ARID5B: variants seen among roughly 807,000 people sequenced by gnomAD.
ARID5B encodes the protein AT-rich interaction domain 5B.
In ARID5B, 13 loss-of-function variants were observed where a neutral mutation model predicts 97.2. The observed-to-expected ratio is 0.13, with a 90% confidence interval of 0.09 to 0.21. The LOEUF is 0.21. Among genes scored for constraint, ARID5B ranks in the 10% least tolerant of loss-of-function variants. The pLI is 1.00. For missense variants in ARID5B, 1,210 were observed against 1,465.3 expected (o/e 0.83, Z 2.84); for synonymous variants, 556 against 570.3 (o/e 0.97, Z 0.36).
chr10:61,972,443 G>A (rs1465608599), intron 3 of ARID5B, among the ~76,000 whole-genome samples: 1 of 151,968 alleles, frequency 6.6e-6, no homozygotes, highest in Non-Finnish European at 1.5e-5. Flanking sequence ...TGGCCAGGCT[G>A]GTCTCAAACT....
intron 8 of ARID5B, 22 bp from the exon 9 acceptor site, chr10:62,085,680 A>G: frequency 6.3e-7 from 1 of 1,580,406 alleles, no homozygotes; most frequent in Middle Eastern, 1.7e-4. Context: ...CTGACCGATC[A>G]TCTCTTCTGT....
intron 3 of ARID5B, among the ~76,000 whole-genome samples, chr10:61,989,654 C>G (rs374395029): frequency 1.3e-5 from 2 of 152,168 alleles, no homozygotes; most frequent in Non-Finnish European, 2.9e-5. Flanking sequence ...TAGGTTTATG[C>G]AGTTTATGTC....
At chr10:61,937,002 C>T (rs900545035) in intron 2 of ARID5B, among the ~76,000 whole-genome samples, 1 of 152,130 alleles carries the variant, frequency 6.6e-6, no homozygotes, top group Non-Finnish European at 1.5e-5. Flanking sequence ...AGATAGGAAA[C>T]CTGGATCTTT....
At chr10:61,978,213 G>A (rs1319166946) in intron 3 of ARID5B, among the ~76,000 whole-genome samples, 2 of 152,140 alleles carry the variant, frequency 1.3e-5, no homozygotes, top group Non-Finnish European at 2.9e-5. Context: ...GGTTCCATTG[G>A]TCTATATCTC....
chr10:61,960,198 G>A (rs1018061943), intron 3 of ARID5B, among the ~76,000 whole-genome samples: 4 of 152,028 alleles, frequency 2.6e-5, no homozygotes, highest in Non-Finnish European at 5.9e-5. Context: ...TTTGACAACA[G>A]GAGACAATAG....
At chr10:62,073,965 G>C (rs1053125649) in intron 8 of ARID5B, among the ~76,000 whole-genome samples, 2 of 152,130 alleles carry the variant, frequency 1.3e-5, no homozygotes, top group Admixed American at 1.3e-4. Flanking sequence ...AAAGGAAAAC[G>C]ACTACTTTTA....
rs12768783 is a variant in ARID5B, at chr10:62,093,652, T to C, written c.*622T>C. On this transcript the variant is annotated 3_prime_UTR_variant, in exon 10 of 10. Coordinates refer to ENST00000279873, the MANE Select transcript of ARID5B (RefSeq NM_032199.3). Reference sequence around the variant, plus strand: ...CATTTTCTCCCAGTTCCTTCTCGTCTTTTTTTTTTTTTTTTTTTTTTTTTT... The same window carrying C: ...CATTTTCTCCCAGTTCCTTCTCGTCCTTTTTTTTTTTTTTTTTTTTTTTTT... 1.1e-4 allele frequency: 2 copies of C among 17,468 alleles called. No individual in the cohort carries two copies. The highest frequency in any genetic ancestry group is 3.3e-4 in the Non-Finnish European group (2 of 5,980). The allele number at this position is 17,468 out of a possible 1,614,324, so 1.1% of individuals were successfully genotyped here.
At chr10:61,974,910 T>G (rs1838678858) in intron 3 of ARID5B, among the ~76,000 whole-genome samples, 1 of 151,072 alleles carries the variant, frequency 6.6e-6, no homozygotes, top group Non-Finnish European at 1.5e-5. Flanking sequence ...TACTTTAAAT[T>G]AGCCTGGGGT....
At chr10:62,087,320 G>GAAAAAAAAAAAA (rs1589292422) in intron 9 of ARID5B, among the ~76,000 whole-genome samples, 10 of 76,014 alleles carry the variant, frequency 1.3e-4, no homozygotes, top group East Asian at 6.5e-4. Flanking sequence ...AAAAAAAAAG[G>GAAAAAAAAAAAA]AAAAAAGATC....
intron 4 of ARID5B, among the ~76,000 whole-genome samples, chr10:62,015,978 A>C (rs1839279465): frequency 6.6e-6 from 1 of 152,204 alleles, no homozygotes; most frequent in Non-Finnish European, 1.5e-5. Flanking sequence ...GCATATGTGG[A>C]GCACTTGCCG....
intron 4 of ARID5B, chr10:62,049,527 G>C: frequency 6.5e-7 from 1 of 1,550,214 alleles, no homozygotes. Flanking sequence ...TTGTGAGCTT[G>C]TTTACCTTTG....
At chr10:62,005,374 T>C (rs1445190568) in intron 4 of ARID5B, among the ~76,000 whole-genome samples, 1 of 152,236 alleles carries the variant, frequency 6.6e-6, no homozygotes, top group Non-Finnish European at 1.5e-5. Flanking sequence ...CTGTGTTCAC[T>C]TGATTTTAAA....
intron 3 of ARID5B, among the ~76,000 whole-genome samples, chr10:61,997,890 C>T (rs1839023182): frequency 1.3e-5 from 2 of 152,122 alleles, no homozygotes; most frequent in South Asian, 4.1e-4. Context: ...GGTTTTGAAC[C>T]CAAAGTTTGA....
At chr10:62,016,863 GA>G (rs1240677912) in intron 4 of ARID5B, among the ~76,000 whole-genome samples, 4 of 152,184 alleles carry the variant, frequency 2.6e-5, no homozygotes, top group Non-Finnish European at 4.4e-5. Context: ...TGGCATATTT[GA>G]ACAGTATGCC....
chr10:61,943,836 T>C (rs925961583), intron 3 of ARID5B, among the ~76,000 whole-genome samples: 9 of 152,130 alleles, frequency 5.9e-5, no homozygotes, highest in African/African-American at 2.2e-4. Flanking sequence ...CAGCTTCCAA[T>C]AAATGCTCTG....
At position 62,085,570 on chromosome 10, in the gene ARID5B, A is replaced by G. The variant is rs1231510993; in HGVS notation, c.1200-132A>G. 3 of 760,722 alleles carry G rather than the reference A, an allele frequency of 3.9e-6. No individual in the cohort carries two copies. The East Asian group carries it at 7.4e-5, about 19-fold the overall frequency. 47.1% of individuals were successfully genotyped at this position (760,722 alleles called of 1,614,324 possible). Reference sequence around the variant, plus strand: ...CTAAAGTGTAGAGTAAGTTTATAGAAGTATAGCACTGTCACTGGAGATGAA... The same window carrying G: ...CTAAAGTGTAGAGTAAGTTTATAGAGGTATAGCACTGTCACTGGAGATGAA... On this transcript the variant is annotated intron_variant, in intron 8 of 9. Coordinates refer to ENST00000279873, the MANE Select transcript of ARID5B (RefSeq NM_032199.3).
chr10:62,001,682 G>A (rs1434487491), intron 4 of ARID5B, among the ~76,000 whole-genome samples: 1 of 152,140 alleles, frequency 6.6e-6, no homozygotes, highest in Non-Finnish European at 1.5e-5. Flanking sequence ...GACAGAGAGA[G>A]GAAGGGGAAC....
intron 6 of ARID5B, 111 bp downstream of exon 6, chr10:62,057,429 C>T: frequency 9.0e-7 from 1 of 1,108,676 alleles, no homozygotes; most frequent in Admixed American, 2.4e-5. Flanking sequence ...GGGGATAGTG[C>T]TCTCTGTTTA....
At chr10:61,953,585 C>CGTGG (rs1176733671) in intron 3 of ARID5B, among the ~76,000 whole-genome samples, 3 of 152,136 alleles carry the variant, frequency 2.0e-5, no homozygotes, top group Admixed American at 1.3e-4. Flanking sequence ...TGTACTAAAC[C>CGTGG]TCAGTAGTCA....
Sources: allele counts gnomAD v4.1 joint callset (sites outside exome capture counted in the v4.1 genomes callset), GRCh38; gene constraint gnomAD v4.1.1; transcripts MANE v1.5; gene names NCBI Gene and HGNC (gene_info 2026-07-23, HGNC 2026-07-21).